FIBCD1: variants seen among roughly 807,000 people sequenced by gnomAD.
The protein encoded by FIBCD1 is fibrinogen C domain containing 1.
In FIBCD1, 47 loss-of-function variants were observed where a neutral mutation model predicts 45.1. That is an observed-to-expected ratio of 1.04 (90% CI 0.82 to 1.33). The LOEUF (loss-of-function observed/expected upper bound fraction) is 1.33. Among genes scored for constraint, FIBCD1 ranks in the 40% most tolerant of loss-of-function variants. The pLI is 0.00. For synonymous variants in FIBCD1, 313 were observed against 308.1 expected (o/e 1.02, Z -0.17); for missense variants, 653 against 682.2 (o/e 0.96, Z 0.48).
chr9:130,917,259 A>G (rs7860094), intron 4 of FIBCD1, among the ~76,000 whole-genome samples: 137,490 of 152,326 alleles, frequency 0.9, 62,219 homozygotes, highest in East Asian at 0.98. Flanking sequence ...CCGCAGCCGC[A>G]GCCTCTTGGG....
At chr9:130,918,177 TTGA>T (rs1394952130) in intron 4 of FIBCD1, among the ~76,000 whole-genome samples, 1 of 152,204 alleles carries the variant, frequency 6.6e-6, no homozygotes, top group African/African-American at 2.4e-5. Flanking sequence ...CCACAAAGTT[TTGA>T]TGAGAATTAA....
At chr9:130,940,620 T>C (rs1372246859), upstream of FIBCD1, among the ~76,000 whole-genome samples, 1 of 152,234 alleles carries the variant, frequency 6.6e-6, no homozygotes, top group Non-Finnish European at 1.5e-5. Flanking sequence ...AGTTTCCCCA[T>C]GTAAGCCAAA....
intron 5 of FIBCD1, among the ~76,000 whole-genome samples, chr9:130,907,639 C>G (rs1831953053): frequency 6.6e-6 from 1 of 152,192 alleles, no homozygotes; most frequent in South Asian, 2.1e-4. Flanking sequence ...GTGGCTTACG[C>G]CTGTAATTCC....
rs1333815174 is a variant in FIBCD1 at position 130,926,695 on chromosome 9, GCC to G, written c.553-2301_553-2300del. Among the ~76,000 whole-genome samples, 1 of 152,098 alleles carries G rather than the reference GCC, an allele frequency of 6.6e-6. No individual in the cohort carries two copies. The highest frequency in any genetic ancestry group is 1.5e-5 in the Non-Finnish European group (1 of 68,012). On this transcript the variant is annotated intron_variant, in intron 2 of 6. Transcript: ENST00000372338. This position sits in a 1 kb window ranked among gnomAD's most constrained non-coding sequence, Gnocchi z 4.1. ...AAATTAGCCGGGCGTGGTGGCGGGC[GCC>G]TGTAGTCCCAGCTACTCAGGAGGCT...
chr9:130,934,507 A>G (rs10901306), intron 1 of FIBCD1, among the ~76,000 whole-genome samples: 129,153 of 152,244 alleles, frequency 0.85, 54,950 homozygotes, highest in African/African-American at 0.91. Flanking sequence ...CAGAGCTCCC[A>G]GCCTCTGCCC....
Position 130,902,751 on chromosome 9 carries a change from CG to C in FIBCD1, c.*1312del, listed in dbSNP as rs1831857963. The C allele has an allele frequency of 6.6e-6, 1 of 152,264 alleles. No individual in the cohort carries two copies. Among genetic ancestry groups the C allele is most frequent in the Non-Finnish European group, 1.5e-5 (1 of 68,070 alleles). The allele number at this position is 152,264 out of a possible 1,614,324, so 9.4% of individuals were successfully genotyped here. ...GCATCTGGGCCTGACGTAACGCACG[CG>C]GGTCCAGGGCTGCTGAGCAGACAGC... On this transcript the variant is annotated 3_prime_UTR_variant, in exon 7 of 7. Transcript: ENST00000372338.
chr9:130,934,608 A>C (rs1328605439), intron 1 of FIBCD1, among the ~76,000 whole-genome samples: 1 of 152,116 alleles, frequency 6.6e-6, no homozygotes, highest in African/African-American at 2.4e-5. Context: ...GTTTCCTATA[A>C]GGGTCTTGCC....
intron 3 of FIBCD1, 133 bp downstream of exon 3, chr9:130,924,104 G>A: frequency 1.5e-6 from 2 of 1,306,800 alleles, no homozygotes; most frequent in Non-Finnish European, 2.1e-6. Context: ...GACCGAGAGG[G>A]CTTCAGCGCA....
rs150164993 is a variant in FIBCD1, at chr9:130,933,717, G to A, written c.73-3671C>T. 2.0e-3 allele frequency: 296 copies of A among 149,544 alleles called. 1 individual carries two copies. The highest frequency in any genetic ancestry group is 6.6e-3 in the African/African-American group (272 of 41,014). 9.3% of individuals were successfully genotyped at this position (149,544 alleles called of 1,614,324 possible). A position where few individuals can be genotyped will look rare whatever the true frequency, so the allele number is the denominator to read the frequency against. On this transcript the variant is annotated intron_variant, in intron 1 of 6. Coordinates refer to ENST00000372338, the MANE Select transcript of FIBCD1 (RefSeq NM_032843.5). ...CCAGCCTTGGGGGTTCTGGGGAAGC[G>A]GCGGGCGGGTGGGGGGGGGGCGGCT...
At chr9:130,915,947 T>A (rs1341019969) in intron 4 of FIBCD1, among the ~76,000 whole-genome samples, 1 of 143,380 alleles carries the variant, frequency 7.0e-6, no homozygotes, top group Non-Finnish European at 1.5e-5. Flanking sequence ...TTCTTTTTTC[T>A]TTTGACACAG....
chr9:130,911,073 G>A (rs578151986), intron 5 of FIBCD1, among the ~76,000 whole-genome samples: 58 of 152,206 alleles, frequency 3.8e-4, no homozygotes, highest in East Asian at 1.4e-3. Context: ...AGCCAGCCTC[G>A]GCAACCCGCT....
intron 5 of FIBCD1, among the ~76,000 whole-genome samples, chr9:130,910,680 A>G (rs557962298): frequency 6.6e-6 from 1 of 152,170 alleles, no homozygotes; most frequent in Non-Finnish European, 1.5e-5. Flanking sequence ...GTTTGTAAAC[A>G]CACCAATCAG....
intron 4 of FIBCD1, among the ~76,000 whole-genome samples, chr9:130,919,095 C>G (rs993049956): frequency 6.6e-6 from 1 of 152,322 alleles, no homozygotes; most frequent in African/African-American, 2.4e-5. Flanking sequence ...CACAGCACTG[C>G]CAAGCTGCCG....
chr9:130,930,594 T>C (rs1226083323), intron 1 of FIBCD1, among the ~76,000 whole-genome samples: 3 of 151,908 alleles, frequency 2.0e-5, no homozygotes, highest in Non-Finnish European at 4.4e-5. Context: ...CCCCATGCCC[T>C]GCACAGTGAC....
chr9:130,904,791 G>A (rs937179422), intron 6 of FIBCD1, among the ~76,000 whole-genome samples: 15 of 152,244 alleles, frequency 9.9e-5, no homozygotes, highest in African/African-American at 3.6e-4. Context: ...GCCTTGCAGG[G>A]GTGAGGACCA....
At chr9:130,925,635 A>G (rs1285333526) in intron 2 of FIBCD1, among the ~76,000 whole-genome samples, 1 of 152,032 alleles carries the variant, frequency 6.6e-6, no homozygotes, top group Non-Finnish European at 1.5e-5. Flanking sequence ...TCCCTCCAAC[A>G]CAGCCCTGGG....
At chr9:130,940,201 C>T (rs1466729372), upstream of FIBCD1, among the ~76,000 whole-genome samples, 1 of 152,192 alleles carries the variant, frequency 6.6e-6, no homozygotes, top group African/African-American at 2.4e-5. Flanking sequence ...GGGCCGCGTC[C>T]AGCCTGGGCT....
At chr9:130,923,398 G>A (rs1466419419) in intron 4 of FIBCD1, among the ~76,000 whole-genome samples, 3 of 152,172 alleles carry the variant, frequency 2.0e-5, no homozygotes, top group Non-Finnish European at 4.4e-5. Flanking sequence ...ATCAGCCCTG[G>A]AACCCACGTT....
At chr9:130,939,930 G>A (rs1832592960), upstream of FIBCD1, among the ~76,000 whole-genome samples, 1 of 145,426 alleles carries the variant, frequency 6.9e-6, no homozygotes, top group South Asian at 2.2e-4. Flanking sequence ...CCGCCCCGCC[G>A]AGCCCGCCGG....
Sources: allele counts gnomAD v4.1 joint callset (sites outside exome capture counted in the v4.1 genomes callset), GRCh38; gene constraint gnomAD v4.1.1; non-coding constraint Gnocchi (gnomAD v3.1); transcripts MANE v1.5; gene names NCBI Gene and HGNC (gene_info 2026-07-23, HGNC 2026-07-21).